MINDY3: variants seen among roughly 807,000 people sequenced by gnomAD.
MINDY3 encodes the protein ubiquitin carboxyl-terminal hydrolase MINDY-3.
MINDY3 carries 38 observed loss-of-function variants against 69.2 expected under a neutral mutation model. The observed-to-expected ratio is 0.55, with a 90% CI of 0.42 to 0.72. The LOEUF is 0.72. MINDY3 is among the 30% of genes least tolerant of loss of function. The pLI is 0.00. For synonymous variants in MINDY3, 192 were observed against 180.1 expected, an observed-to-expected ratio of 1.07 and a Z score of -0.53; for missense variants, 522 against 519.0, an observed-to-expected ratio of 1.01 and a Z score of -0.06.
intron 10 of MINDY3, among the ~76,000 whole-genome samples, chr10:15,802,043 A>C (rs934368145): frequency 2.0e-5 from 3 of 151,378 alleles, no homozygotes; most frequent in African/African-American, 7.3e-5. Context: ...TCTCCGGCTT[A>C]CGAGATTACA....
chr10:15,813,475 T>C (rs552442813), intron 10 of MINDY3, among the ~76,000 whole-genome samples: 1 of 152,322 alleles, frequency 6.6e-6, no homozygotes, highest in South Asian at 2.1e-4. Flanking sequence ...TCTTACAGCA[T>C]TATGGACCTG....
chr10:15,837,666 C>T (rs1254298142), intron 5 of MINDY3: 1 of 1,139,630 alleles, frequency 8.8e-7, no homozygotes, highest in African/African-American at 1.7e-5. Flanking sequence ...AAGAAAACTT[C>T]ACTTTTTAAA....
chr10:15,860,375 C>A lies in MINDY3; in HGVS notation c.-76G>T. On this transcript the variant is annotated 5_prime_UTR_variant, in exon 1 of 15. Coordinates refer to ENST00000277632, the MANE Select transcript of MINDY3 (RefSeq NM_024948.4). ...CATGGGGAAGGGGCAACTCCGGAAA[C>A]AGCAGCTGCGGGACGGCGGCGGCAA... 9.2e-7 allele frequency: 1 copy of A among 1,088,006 alleles called. No individual in the cohort carries two copies. The highest frequency in any genetic ancestry group is 1.4e-6 in the Non-Finnish European group (1 of 727,984). 67.4% of individuals were successfully genotyped at this position (1,088,006 alleles called of 1,614,324 possible).
At chr10:15,795,983 C>T in intron 11 of MINDY3, 117 bp downstream of exon 11, 1 of 807,172 alleles carries the variant, frequency 1.2e-6, no homozygotes, top group Non-Finnish European at 2.0e-6. Flanking sequence ...GTTCAAGAAA[C>T]ACAACTTACA....
At chr10:15,789,003 G>A (rs1837204068) in intron 12 of MINDY3, 1 of 340,426 alleles carries the variant, frequency 2.9e-6, no homozygotes, top group Non-Finnish European at 5.5e-6. Context: ...TTTATAGAAA[G>A]ACACTTTTAG....
At chr10:15,816,477 A>G in intron 10 of MINDY3, among the ~76,000 whole-genome samples, 1 of 152,150 alleles carries the variant, frequency 6.6e-6, no homozygotes, top group Non-Finnish European at 1.5e-5. Context: ...AACATTTTAT[A>G]TCATGTATCA....
intron 2 of MINDY3, among the ~76,000 whole-genome samples, chr10:15,847,265 T>C (rs1363315165): frequency 1.3e-5 from 2 of 152,222 alleles, no homozygotes; most frequent in Non-Finnish European, 2.9e-5. Context: ...ATTCAAACAA[T>C]GTAACATACC....
At chr10:15,797,202 C>G (rs1057503647) in intron 10 of MINDY3, among the ~76,000 whole-genome samples, 27 of 151,988 alleles carry the variant, frequency 1.8e-4, no homozygotes, top group African/African-American at 6.3e-4. Context: ...CATGAGGACT[C>G]GATTCCTGAA....
intron 6 of MINDY3, 29 bp from the exon 7 acceptor site, chr10:15,834,645 T>G: frequency 6.7e-7 from 1 of 1,499,066 alleles, no homozygotes; most frequent in South Asian, 1.1e-5. Context: ...TTGACTTATT[T>G]TAAAAAACTA....
chr10:15,848,157 C>T (rs1367476274), intron 1 of MINDY3, among the ~76,000 whole-genome samples: 4 of 152,126 alleles, frequency 2.6e-5, no homozygotes, highest in African/African-American at 9.7e-5. Flanking sequence ...TATACTCACA[C>T]AATTTTGCAC....
At position 15,789,136 on chromosome 10, in the gene MINDY3, T is replaced by C. The variant is rs1332641520; in HGVS notation, c.1028+111A>G. The C allele has an allele frequency of 3.2e-5, 21 of 657,166 alleles. No homozygotes were observed. In the Admixed American group the frequency reaches 4.6e-4, roughly 14 times the overall value. The allele number at this position is 657,166 out of a possible 1,614,324, so 40.7% of individuals were successfully genotyped here. ...AATCTTTGCCTTACATAGATTGCTATGCTTCATATATGCAGATATAGATTT... is the reference window on the plus strand; with the variant it reads ...AATCTTTGCCTTACATAGATTGCTACGCTTCATATATGCAGATATAGATTT... On this transcript the variant is annotated intron_variant, in intron 12 of 14. Transcript: ENST00000277632.
intron 3 of MINDY3, among the ~76,000 whole-genome samples, chr10:15,842,941 A>T (rs918322487): frequency 1.3e-5 from 2 of 150,616 alleles, no homozygotes; most frequent in Non-Finnish European, 3.0e-5. Context: ...TCTTTATGGC[A>T]TGCTGCCACC....
At chr10:15,798,542 C>G (rs946891278) in intron 10 of MINDY3, among the ~76,000 whole-genome samples, 6 of 150,530 alleles carry the variant, frequency 4.0e-5, no homozygotes, top group Non-Finnish European at 7.4e-5. Flanking sequence ...CTTTGGGAGG[C>G]CAAGGTGGGC....
intron 10 of MINDY3, among the ~76,000 whole-genome samples, chr10:15,807,698 T>C (rs957640691): frequency 2.0e-5 from 3 of 152,098 alleles, no homozygotes; most frequent in African/African-American, 4.8e-5. Flanking sequence ...TAGACAATTA[T>C]TTGGATACTA....
chr10:15,793,931 A>G (rs1837822075), intron 11 of MINDY3, among the ~76,000 whole-genome samples: 1 of 152,082 alleles, frequency 6.6e-6, no homozygotes, highest in African/African-American at 2.4e-5. Flanking sequence ...TACACTATGG[A>G]AGATGTGGTC....
chr10:15,843,058 T>C (rs1032148395), intron 3 of MINDY3, among the ~76,000 whole-genome samples, 154 bp downstream of exon 3: 1 of 151,882 alleles, frequency 6.6e-6, no homozygotes, highest in African/African-American at 2.4e-5. Context: ...AATTTGGAAA[T>C]ATGGAGTCAC....
chr10:15,804,473 GT>G (rs1243123556), intron 10 of MINDY3, among the ~76,000 whole-genome samples: 1 of 152,112 alleles, frequency 6.6e-6, no homozygotes, highest in Non-Finnish European at 1.5e-5. Context: ...GGTCTTTAAA[GT>G]TTTTCTCATT....
At chr10:15,793,125 A>G (rs921902324) in intron 11 of MINDY3, among the ~76,000 whole-genome samples, 11 of 152,150 alleles carry the variant, frequency 7.2e-5, no homozygotes, top group African/African-American at 1.4e-4. Context: ...TCATTTTACA[A>G]TAATTCCTAT....
chr10:15,814,165 A>G (rs1052971931), intron 10 of MINDY3, among the ~76,000 whole-genome samples: 7 of 152,152 alleles, frequency 4.6e-5, no homozygotes, highest in African/African-American at 1.7e-4. Context: ...TAACAAATCT[A>G]AAACAGGACT....
Sources: gnomAD v4.1 joint callset for allele counts (sites outside exome capture counted in the v4.1 genomes callset) on GRCh38, gnomAD v4.1.1 for gene constraint, MANE v1.5 for transcripts, NCBI Gene and HGNC (gene_info 2026-07-23, HGNC 2026-07-21) for gene names.